F5: variants seen among roughly 807,000 people sequenced by gnomAD.
F5 encodes activated protein c cofactor.
F5 carries 138 observed loss-of-function variants against 216.4 expected under a neutral mutation model. The observed-to-expected ratio is 0.64, with a 90% confidence interval of 0.56 to 0.73. The LOEUF (loss-of-function observed/expected upper bound fraction) is 0.73, where lower values mean the gene tolerates loss of function less well. Among genes scored for constraint, F5 ranks in the 30% least tolerant of loss-of-function variants. The pLI is 0.00. For missense variants in F5, 2,403 were observed against 2,674.0 expected, an observed-to-expected ratio of 0.90 and a Z score of 2.24; for synonymous variants, 916 against 930.7, an observed-to-expected ratio of 0.98 and a Z score of 0.29.
chr1:169,536,930 A>C (rs1659718255), intron 13 of F5, among the ~76,000 whole-genome samples: 1 of 151,924 alleles, frequency 6.6e-6, no homozygotes, highest in Non-Finnish European at 1.5e-5. Flanking sequence ...CTCTATATCA[A>C]TTTCTCATAT....
chr1:169,527,432 A>T (rs1479151349), intron 17 of F5, among the ~76,000 whole-genome samples: 1 of 152,152 alleles, frequency 6.6e-6, no homozygotes, highest in Admixed American at 6.6e-5. Context: ...TTTTATTATT[A>T]TTTTTTAAAA....
chr1:169,580,486 T>C (rs1197105453), intron 2 of F5, among the ~76,000 whole-genome samples: 1 of 151,788 alleles, frequency 6.6e-6, no homozygotes, highest in Non-Finnish European at 1.5e-5. Flanking sequence ...TGGGTTCAAG[T>C]GATTCTCATG....
rs1659909775 is a variant in F5, at chr1:169,543,071, T to C, written c.2019A>G (p.Lys673=). 6.2e-7 allele frequency: 1 copy of C among 1,613,876 alleles called. No individual in the cohort carries two copies. Among genetic ancestry groups the C allele is most frequent in the Non-Finnish European group, 8.5e-7 (1 of 1,179,946 alleles). The change falls in exon 13 of 25, where the codon AAA becomes AAG. Residue 673 remains lysine (K), a synonymous_variant. Coordinates refer to ENST00000367797, the MANE Select transcript of F5 (RefSeq NM_000130.5). ...LTSMNSSPRS[K]KLRLKFRDVK... ...CATCCCTGAATTTCAGCCTCAGCTT[T>C]TTGCTTCTTGGACTAGAATTCATGG...
At chr1:169,570,110 T>G (rs6663533) in intron 3 of F5, among the ~76,000 whole-genome samples, 19,969 of 152,100 alleles carry the variant, frequency 0.13, 2,679 homozygotes, top group African/African-American at 0.35. Context: ...CTTTCTTAGA[T>G]TCATAGGACC....
At chr1:169,567,772 C>A (rs9332553) in intron 3 of F5, among the ~76,000 whole-genome samples, 36,643 of 151,986 alleles carry the variant, frequency 0.24, 5,326 homozygotes, top group South Asian at 0.36. Context: ...GTAAAGAAGA[C>A]AGGGCCTGGG....
chr1:169,550,307 C>T (rs1660138508), intron 9 of F5, among the ~76,000 whole-genome samples: 1 of 140,548 alleles, frequency 7.1e-6, no homozygotes, highest in Non-Finnish European at 1.5e-5. Flanking sequence ...CCCCGACAGG[C>T]CCCGGTGTGT....
chr1:169,539,143 T>A (rs1659772759), intron 13 of F5, among the ~76,000 whole-genome samples: 1 of 152,192 alleles, frequency 6.6e-6, no homozygotes. Context: ...GACTCTCACA[T>A]TTCCCAAGCC....
chr1:169,528,696 C>T (rs909451744), intron 16 of F5, among the ~76,000 whole-genome samples: 3 of 152,132 alleles, frequency 2.0e-5, no homozygotes, highest in Non-Finnish European at 2.9e-5. Context: ...TCTACTCTCC[C>T]CACAGTAAAA....
intron 11 of F5, 69 bp from the exon 12 acceptor site, chr1:169,544,577 A>G: frequency 2.4e-6 from 3 of 1,246,526 alleles, no homozygotes; most frequent in Non-Finnish European, 3.5e-6. Context: ...AATTATACCT[A>G]AGATAAATGT....
At chr1:169,572,381 G>C in intron 2 of F5, 38 bp from the exon 3 acceptor site, 1 of 1,610,126 alleles carries the variant, frequency 6.2e-7, no homozygotes, top group Non-Finnish European at 8.5e-7. Context: ...CTGTATTCAG[G>C]GTCATCAAAG....
At chr1:169,562,365 T>G (rs1660503425) in intron 3 of F5, among the ~76,000 whole-genome samples, 1 of 152,126 alleles carries the variant, frequency 6.6e-6, no homozygotes, top group Non-Finnish European at 1.5e-5. Flanking sequence ...TCTTTGTCTC[T>G]CTCATTAAAG....
chr1:169,528,036 C>T lies in F5; in HGVS notation c.5478G>A (p.Val1826=), dbSNP rs902078248. 4.3e-6 allele frequency: 7 copies of T among 1,613,956 alleles called. No homozygotes were observed. The highest frequency in any genetic ancestry group is 5.9e-6 in the Non-Finnish European group (7 of 1,179,870). Reference sequence around the variant, plus strand: ...CGCCTATGTTCAGCAGGTGTAACCTCACCCACTCTTGCTCATACATTTTCA... The same window carrying T: ...CGCCTATGTTCAGCAGGTGTAACCTTACCCACTCTTGCTCATACATTTTCA... The part of the protein sequence containing the change: ...PGLKMYEQEW[V]RLHLLNIGGS... The change falls in exon 17 of 25, where the codon GTG becomes GTA. Residue 1826 remains valine, a synonymous_variant. Transcript: ENST00000367797.
chr1:169,572,999 G>A (rs1275432545), intron 2 of F5, among the ~76,000 whole-genome samples: 1 of 151,692 alleles, frequency 6.6e-6, no homozygotes, highest in African/African-American at 2.4e-5. Context: ...AGGCTGGAGT[G>A]CAGTGATGCA....
Position 169,560,663 on chromosome 1 carries a change from T to C in F5, c.477A>G (p.Gly159=). ...TYEWSISEDS[G]PTHDDPPCLT... is the part of the protein sequence containing the mutation. The stretch of plus-strand genomic sequence containing the variant: ...GGCATGGAGGGTCATCATGGGTGGG[T>C]CCACTGTCCTCACTGATACTCCATT... The change falls in exon 4 of 25, where the codon GGA becomes GGG. Residue 159 remains glycine, a synonymous_variant. Coordinates refer to ENST00000367797, the MANE Select transcript of F5 (RefSeq NM_000130.5). 1 of 1,613,774 alleles carries C rather than the reference T, an allele frequency of 6.2e-7. No homozygotes were observed. Among genetic ancestry groups the C allele is most frequent in the Non-Finnish European group, 8.5e-7 (1 of 1,179,806 alleles).
In F5 at chr1:169,514,169, T is replaced by C. The variant is rs1659101006; in HGVS notation, c.*144A>G. 1 of 800,116 alleles carries C rather than the reference T, an allele frequency of 1.2e-6. No individual in the cohort carries two copies. Among genetic ancestry groups the C allele is most frequent in the Non-Finnish European group, 2.0e-6 (1 of 491,524 alleles). The allele number at this position is 800,116 out of a possible 1,614,324, so 49.6% of individuals were successfully genotyped here. On this transcript the variant is annotated 3_prime_UTR_variant, in exon 25 of 25. Transcript: ENST00000367797. Reference sequence around the variant, plus strand: ...CAAGGAGTTACATTATAAAAGCTTCTTGTATAAAATTTTATTCACTAATAG... The same window carrying C: ...CAAGGAGTTACATTATAAAAGCTTCCTGTATAAAATTTTATTCACTAATAG...
At position 169,542,626 on chromosome 1, in the gene F5, A is replaced by T. The variant is rs1384203424; in HGVS notation, c.2464T>A (p.Ser822Thr). 6.2e-7 allele frequency: 1 copy of T among 1,614,040 alleles called. No individual in the cohort carries two copies. The highest frequency in any genetic ancestry group is 1.1e-5 in the South Asian group (1 of 91,072). The change falls in exon 13 of 25, where the codon TCT (serine) becomes ACT (threonine). Residue 822 changes from serine (S) to threonine (T), a missense_variant. By Grantham distance (58) the Ser-to-Thr change is moderately conservative. Transcript: ENST00000367797. ...GGGCTGGAATGCTCTGCTGTGGAAG[A>T]ATTGAGAACTGAGTTCTTGCCAATG... The part of the protein sequence containing the change: ...HLIGKNSVLN[S>T]STAEHSSPYS...
At chr1:169,519,441 G>T (rs538493410) in intron 22 of F5, among the ~76,000 whole-genome samples, 2 of 152,216 alleles carry the variant, frequency 1.3e-5, no homozygotes, top group Admixed American at 1.3e-4. Flanking sequence ...AGAAAAAAAC[G>T]CAATGACTTA....
chr1:169,523,531 C>G (rs1659359870), intron 20 of F5, among the ~76,000 whole-genome samples, 179 bp from the exon 21 acceptor site: 1 of 152,086 alleles, frequency 6.6e-6, no homozygotes, highest in Admixed American at 6.6e-5. Context: ...AATTTGAATC[C>G]CAACTCAATG....
At chr1:169,523,678 C>T (rs1294153543) in intron 20 of F5, 123 bp downstream of exon 20, 2 of 931,510 alleles carry the variant, frequency 2.1e-6, no homozygotes, top group African/African-American at 3.2e-5. Flanking sequence ...AGAACAGTGC[C>T]TCACACTTAG....
Sources: gnomAD v4.1 joint callset for allele counts (sites outside exome capture counted in the v4.1 genomes callset) on GRCh38, gnomAD v4.1.1 for gene constraint, MANE v1.5 for transcripts, NCBI Gene and HGNC (gene_info 2026-07-23, HGNC 2026-07-21) for gene names.